Variants in ANTXR1 observed in about 807,000 individuals in gnomAD.
ANTXR1 encodes the protein ANTXR cell adhesion molecule 1, also known as anthrax toxin receptor 1.
ANTXR1 carries 19 observed loss-of-function variants against 78.1 expected under a neutral mutation model. That is an observed-to-expected ratio of 0.24 (90% CI 0.17 to 0.36). ANTXR1 has a LOEUF of 0.36. Among genes scored for constraint, ANTXR1 ranks in the 10% least tolerant of loss-of-function variants. The pLI, the probability that ANTXR1 is intolerant of heterozygous loss-of-function variation, is 1.00. For synonymous variants in ANTXR1, 273 were observed against 260.5 expected (o/e 1.05, Z -0.46); for missense variants, 518 against 718.6 (o/e 0.72, Z 3.19).
chr2:69,091,090 A>G (rs1263622566), intron 9 of ANTXR1, among the ~76,000 whole-genome samples, 171 bp downstream of exon 9: 2 of 151,748 alleles, frequency 1.3e-5, no homozygotes, highest in Non-Finnish European at 2.9e-5. Context: ...AAGGAAAGAA[A>G]GAAGCCACAT....
chr2:69,233,123 A>G (rs193218014), intron 17 of ANTXR1, among the ~76,000 whole-genome samples: 2 of 152,180 alleles, frequency 1.3e-5, no homozygotes, highest in Non-Finnish European at 2.9e-5. Flanking sequence ...TAAAGGCATC[A>G]AAGAACTATA....
chr2:69,131,620 A>G (rs1672749304), intron 12 of ANTXR1, among the ~76,000 whole-genome samples: 1 of 152,174 alleles, frequency 6.6e-6, no homozygotes, highest in African/African-American at 2.4e-5. Flanking sequence ...ACAACCCAGC[A>G]CCTGGCACAA....
intron 3 of ANTXR1, among the ~76,000 whole-genome samples, chr2:69,051,216 T>C (rs576786430): frequency 2.0e-5 from 3 of 152,046 alleles, no homozygotes; most frequent in African/African-American, 7.2e-5. Context: ...AGGCGGAGGT[T>C]GCAGTGAGCT....
At chr2:69,145,788 C>G (rs796877230) in intron 12 of ANTXR1, 3 of 995,954 alleles carry the variant, frequency 3.0e-6, no homozygotes, top group East Asian at 2.1e-4. Flanking sequence ...TGTTTGATAC[C>G]GTATCATCCA....
chr2:69,054,461 A>G lies in ANTXR1; in HGVS notation c.296+9648A>G, dbSNP rs909348385. Among the ~76,000 whole-genome samples the G allele has an allele frequency of 5.9e-5, 9 of 152,184 alleles. 1 individual carries two copies. The highest frequency in any genetic ancestry group is 3.3e-4 in the Admixed American group (5 of 15,276). On this transcript the variant is annotated intron_variant, in intron 3 of 17. Transcript: ENST00000303714. ...GGCTTTTGGAAACCGGAACTTGGAA[A>G]TACTCCTCACAAAGAGGTAAAGAGG...
intron 10 of ANTXR1, 83 bp from the exon 11 acceptor site, chr2:69,122,934 T>C: frequency 6.9e-7 from 1 of 1,442,642 alleles, no homozygotes; most frequent in South Asian, 1.1e-5. Context: ...TCCCTGGACT[T>C]GGTTGATGTT....
At chr2:69,108,958 A>G (rs1671894647) in intron 10 of ANTXR1, among the ~76,000 whole-genome samples, 1 of 152,246 alleles carries the variant, frequency 6.6e-6, no homozygotes. Flanking sequence ...TGAGGGATAT[A>G]AAGCAAGTGT....
chr2:69,051,964 T>A (rs1038681481), intron 3 of ANTXR1, among the ~76,000 whole-genome samples: 3 of 152,134 alleles, frequency 2.0e-5, no homozygotes, highest in Admixed American at 2.0e-4. Context: ...TTTTTTACTT[T>A]CGTTGATATT....
chr2:69,206,356 C>G (rs965197266), intron 17 of ANTXR1, among the ~76,000 whole-genome samples: 3 of 152,140 alleles, frequency 2.0e-5, no homozygotes, highest in Admixed American at 1.3e-4. Flanking sequence ...AATGGAAAAC[C>G]CTAAATGTCA....
chr2:69,178,697 A>G (rs922445141), intron 14 of ANTXR1, among the ~76,000 whole-genome samples: 1 of 152,242 alleles, frequency 6.6e-6, no homozygotes, highest in Non-Finnish European at 1.5e-5. Context: ...GTTGCGAATT[A>G]GAGAAAGCCA....
chr2:69,127,256 AG>A (rs1672570539), intron 12 of ANTXR1, among the ~76,000 whole-genome samples: 1 of 152,184 alleles, frequency 6.6e-6, no homozygotes, highest in Admixed American at 6.5e-5. Flanking sequence ...TACATTGAAA[AG>A]GTGGTATTTG....
At chr2:69,145,241 C>A in intron 12 of ANTXR1, 1 of 1,372,766 alleles carries the variant, frequency 7.3e-7, no homozygotes, top group Non-Finnish European at 1.0e-6. Context: ...CCCTCACTTG[C>A]ATGGGTCCCT....
chr2:69,245,292 A>C lies in ANTXR1; in HGVS notation c.1502A>C (p.Tyr501Ser). 6.2e-7 allele frequency: 1 copy of C among 1,612,648 alleles called. No homozygotes were observed. Among genetic ancestry groups the C allele is most frequent in the South Asian group, 1.1e-5 (1 of 90,948 alleles). ...QPAKYPLNNA[Y>S]HTSSPPPAPI... ...GCCAAGTACCCACTCAACAACGCCT[A>C]CCACACCTCCTCGCCGCCTCCTGCC... The change falls in exon 18 of 18, where the codon TAC becomes TCC. Residue 501 changes from tyrosine (Y) to serine (S), a missense_variant. Physicochemically the swap from Tyr to Ser is moderately radical, Grantham distance 144. Transcript: ENST00000303714.
At chr2:69,171,548 G>A (rs1475902888) in intron 14 of ANTXR1, among the ~76,000 whole-genome samples, 1 of 152,208 alleles carries the variant, frequency 6.6e-6, no homozygotes, top group African/African-American at 2.4e-5. Flanking sequence ...TTGCCTGGAG[G>A]CAAATAACAT....
chr2:69,193,464 T>TAC lies in ANTXR1; in HGVS notation c.1434+75_1434+76dup, dbSNP rs70954338. On this transcript the variant is annotated intron_variant, in intron 17 of 17. Coordinates refer to ENST00000303714, the MANE Select transcript of ANTXR1 (RefSeq NM_032208.3). Reference sequence around the variant, plus strand: ...GGTGTCTCTCTCTCTCTCTCTCACATACACACACACACACACACACACACA... The same window carrying TAC: ...GGTGTCTCTCTCTCTCTCTCTCACATACACACACACACACACACACACACACA... 8,408 of 1,070,610 alleles carry TAC rather than the reference T, an allele frequency of 7.9e-3. 23 individuals carry two copies. The highest frequency in any genetic ancestry group is 0.017 in the African/African-American group (1,017 of 61,138). 66.3% of individuals were successfully genotyped at this position (1,070,610 alleles called of 1,614,324 possible). A position where few individuals can be genotyped will look rare whatever the true frequency, so the allele number is the denominator to read the frequency against.
At chr2:69,183,437 C>G (rs1674328592) in intron 16 of ANTXR1, among the ~76,000 whole-genome samples, 1 of 152,104 alleles carries the variant, frequency 6.6e-6, no homozygotes, top group Admixed American at 6.5e-5. Flanking sequence ...GGTTCTCACT[C>G]TGTCACCCAG....
chr2:69,132,095 A>AG (rs1672767181), intron 12 of ANTXR1, among the ~76,000 whole-genome samples: 1 of 152,196 alleles, frequency 6.6e-6, no homozygotes, highest in East Asian at 1.9e-4. Flanking sequence ...ATAGAGACTG[A>AG]TAGACTCAAG....
At chr2:69,093,432 T>G (rs138368535) in intron 9 of ANTXR1, among the ~76,000 whole-genome samples, 31 of 152,180 alleles carry the variant, frequency 2.0e-4, no homozygotes, top group African/African-American at 7.5e-4. Flanking sequence ...CCTCAAAAAG[T>G]AAACAATATC....
chr2:69,053,204 G>C (rs1210931255), intron 3 of ANTXR1, among the ~76,000 whole-genome samples: 4 of 152,132 alleles, frequency 2.6e-5, no homozygotes, highest in Admixed American at 6.6e-5. Context: ...TTTCAGTACT[G>C]GGATTTGGGA....
Sources: allele counts gnomAD v4.1 joint callset (sites outside exome capture counted in the v4.1 genomes callset), GRCh38; gene constraint gnomAD v4.1.1; transcripts MANE v1.5; gene names NCBI Gene and HGNC (gene_info 2026-07-23, HGNC 2026-07-21).